The following ADAMTSL1 variants were observed in gnomAD, a reference collection of about 807,000 sequenced individuals.
ADAMTSL1 encodes the protein ADAMTS like 1.
ADAMTSL1 carries 126 observed loss-of-function variants against 201.8 expected under a neutral mutation model. That is an observed-to-expected ratio of 0.62 (90% CI 0.54 to 0.72). The LOEUF (loss-of-function observed/expected upper bound fraction) is 0.72. ADAMTSL1 is among the 30% of genes least tolerant of loss of function. The pLI is 0.00. For synonymous variants in ADAMTSL1, 1,121 were observed against 903.4 expected (o/e 1.24, Z -4.32); for missense variants, 2,679 against 2,277.8 (o/e 1.18, Z -3.59).
intron 2 of ADAMTSL1, among the ~76,000 whole-genome samples, chr9:18,294,195 A>G (rs571182390): frequency 5.3e-5 from 8 of 152,350 alleles, no homozygotes; most frequent in African/African-American, 1.7e-4. Context: ...GTTGATGTGG[A>G]GTGGTTTTCT....
At chr9:18,373,369 A>T (rs1306868437) in intron 2 of ADAMTSL1, among the ~76,000 whole-genome samples, 1 of 152,194 alleles carries the variant, frequency 6.6e-6, no homozygotes, top group Non-Finnish European at 1.5e-5. Flanking sequence ...CTTAATCCTG[A>T]TTATAAGCCA....
At position 18,777,589 on chromosome 9, in the gene ADAMTSL1, G is replaced by C. The variant is rs769001589; in HGVS notation, c.3360G>C (p.Leu1120=). ...ACCTGGAGCACCAGGACACGCTCCT[G>C]AAGCCCTCGGAGCGCAGGACTTCCC... is the stretch of plus-strand genomic sequence containing the variant. The part of the protein sequence containing the change: ...RSHLEHQDTL[L]KPSERRTSPV... The change falls in exon 19 of 29, where the codon CTG becomes CTC. Residue 1120 remains leucine (L), a synonymous_variant. Transcript: ENST00000380548. 4 of 1,612,124 alleles carry C rather than the reference G, an allele frequency of 2.5e-6. No homozygotes were observed. In the South Asian group the frequency reaches 4.4e-5, roughly 18 times the overall value.
At chr9:17,989,531 T>G (rs915391880) in intron 1 of ADAMTSL1, among the ~76,000 whole-genome samples, 9 of 152,028 alleles carry the variant, frequency 5.9e-5, no homozygotes, top group Non-Finnish European at 1.5e-5. Flanking sequence ...GCAAGTTAAT[T>G]ACTTTAAATG....
At chr9:18,364,502 A>G (rs1417898610) in intron 2 of ADAMTSL1, among the ~76,000 whole-genome samples, 2 of 152,150 alleles carry the variant, frequency 1.3e-5, no homozygotes, top group Non-Finnish European at 1.5e-5. Context: ...ACTCCAAGAG[A>G]CACGAGTTCT....
At chr9:18,460,725 TGCATTGA>T (rs1197733008) in intron 2 of ADAMTSL1, among the ~76,000 whole-genome samples, 1 of 152,194 alleles carries the variant, frequency 6.6e-6, no homozygotes, top group East Asian at 1.9e-4. Context: ...ATGAAAATAC[TGCATTGA>T]GTTACCCATG....
chr9:18,282,431 G>C (rs1832826255), intron 2 of ADAMTSL1, among the ~76,000 whole-genome samples: 1 of 152,094 alleles, frequency 6.6e-6, no homozygotes, highest in African/African-American at 2.4e-5. Context: ...CTATTCATGG[G>C]TTACTTTGAA....
At chr9:18,566,277 A>G (rs1821885708) in intron 3 of ADAMTSL1, among the ~76,000 whole-genome samples, 1 of 152,206 alleles carries the variant, frequency 6.6e-6, no homozygotes, top group Admixed American at 6.5e-5. Context: ...CCTTTATTCA[A>G]TGTGTTAGTC....
chr9:18,719,501 A>G (rs1014608271), intron 14 of ADAMTSL1, among the ~76,000 whole-genome samples: 1 of 152,038 alleles, frequency 6.6e-6, no homozygotes, highest in African/African-American at 2.4e-5. Flanking sequence ...AGTAGCTGGG[A>G]TTACAGGTGT....
At chr9:18,617,520 C>T (rs370857661) in intron 4 of ADAMTSL1, among the ~76,000 whole-genome samples, 3 of 104,042 alleles carry the variant, frequency 2.9e-5, no homozygotes, top group South Asian at 6.8e-4. Flanking sequence ...GGGGCTGGGT[C>T]GGGGGGCAGT....
intron 2 of ADAMTSL1, among the ~76,000 whole-genome samples, chr9:18,377,646 T>C (rs1346449926): frequency 5.3e-5 from 8 of 152,292 alleles, no homozygotes; most frequent in African/African-American, 1.7e-4. Flanking sequence ...TTTGGCTCAC[T>C]GCAACCTCCA....
chr9:18,102,885 T>C, intron 1 of ADAMTSL1, among the ~76,000 whole-genome samples: 1 of 152,192 alleles, frequency 6.6e-6, no homozygotes, highest in East Asian at 1.9e-4. Context: ...AAGATGATTC[T>C]GTGTGGAGGG....
rs1477176041 is a variant in ADAMTSL1 at position 18,770,713 on chromosome 9, C to T, written c.2329C>T (p.Pro777Ser). 4 of 1,613,716 alleles carry T rather than the reference C, an allele frequency of 2.5e-6. 1 individual carries two copies. The highest frequency in any genetic ancestry group is 3.4e-6 in the Non-Finnish European group (4 of 1,179,852). ...LPETFCSASKPACQQACKKDD... is the reference protein window; with the variant it reads ...LPETFCSASKSACQQACKKDD... The stretch of plus-strand genomic sequence containing the variant: ...TGAGACCTTCTGTTCAGCTTCAAAA[C>T]CTGCCTGCCAGCAAGCATGCAAGAA... Residue 777 changes from proline to serine, a missense_variant, in exon 17 of 29, where the codon CCT (proline) becomes TCT (serine). Physicochemically the swap from Pro to Ser is moderately conservative, Grantham distance 74. Transcript: ENST00000380548.
At chr9:18,676,298 T>C (rs1339244297) in intron 10 of ADAMTSL1, among the ~76,000 whole-genome samples, 2 of 152,130 alleles carry the variant, frequency 1.3e-5, no homozygotes, top group East Asian at 3.8e-4. Flanking sequence ...TAAAGTATTA[T>C]TGCACTACCA....
intron 1 of ADAMTSL1, among the ~76,000 whole-genome samples, chr9:18,043,389 G>T (rs1426651046): frequency 6.6e-6 from 1 of 152,104 alleles, no homozygotes; most frequent in African/African-American, 2.4e-5. Flanking sequence ...ATACATTTTT[G>T]GGATATTTAG....
intron 2 of ADAMTSL1, among the ~76,000 whole-genome samples, chr9:18,204,051 T>A (rs1391141114): frequency 6.6e-6 from 1 of 152,162 alleles, no homozygotes; most frequent in Non-Finnish European, 1.5e-5. Flanking sequence ...CACCTCCGAT[T>A]CTCTTCTTAA....
chr9:18,769,097 G>T (rs1190582690), intron 16 of ADAMTSL1, among the ~76,000 whole-genome samples: 1 of 152,156 alleles, frequency 6.6e-6, no homozygotes, highest in Admixed American at 6.5e-5. Context: ...TGCATGCAAG[G>T]TTGAGACCAC....
At chr9:18,863,260 C>A (rs187775960) in intron 23 of ADAMTSL1, among the ~76,000 whole-genome samples, 1 of 152,202 alleles carries the variant, frequency 6.6e-6, no homozygotes, top group Admixed American at 6.5e-5. Flanking sequence ...AAATGCAAGG[C>A]CTTAATCAAG....
At chr9:18,348,936 G>T (rs1166833727) in intron 2 of ADAMTSL1, among the ~76,000 whole-genome samples, 1 of 152,128 alleles carries the variant, frequency 6.6e-6, no homozygotes, top group East Asian at 1.9e-4. Context: ...ATTTTACTAA[G>T]TATTTACATA....
chr9:18,212,938 A>T (rs764023295), intron 2 of ADAMTSL1, among the ~76,000 whole-genome samples: 1 of 152,202 alleles, frequency 6.6e-6, no homozygotes, highest in Non-Finnish European at 1.5e-5. Context: ...TTTGAATAGA[A>T]TTTGCAGTTC....
Sources: allele counts gnomAD v4.1 joint callset (sites outside exome capture counted in the v4.1 genomes callset), GRCh38; gene constraint gnomAD v4.1.1; transcripts MANE v1.5; gene names NCBI Gene and HGNC (gene_info 2026-07-23, HGNC 2026-07-21).